Variants in KLKB1 observed in about 807,000 individuals in gnomAD.
The protein encoded by KLKB1 is kallikrein B1.
Under a neutral mutation model 73.6 loss-of-function variants are expected in KLKB1, and 58 were observed. That is an observed-to-expected ratio of 0.79 (90% CI 0.64 to 0.98). The LOEUF is 0.98. KLKB1 is among the 50% of genes least tolerant of loss of function. The pLI, the probability that KLKB1 is intolerant of heterozygous loss-of-function variation, is 0.00. For synonymous variants in KLKB1, 280 were observed against 258.1 expected (o/e 1.08, Z -0.81); for missense variants, 737 against 763.8 (o/e 0.96, Z 0.41).
chr4:186,242,009 A>G (rs4253262), intron 6 of KLKB1, among the ~76,000 whole-genome samples: 20,392 of 151,826 alleles, frequency 0.13, 1,605 homozygotes, highest in Middle Eastern at 0.21. Context: ...GTGAGCAAGA[A>G]AGCTTTTTAA....
intron 2 of KLKB1, among the ~76,000 whole-genome samples, chr4:186,216,133 G>A (rs1336859690): frequency 6.6e-6 from 1 of 152,194 alleles, no homozygotes; most frequent in Non-Finnish European, 1.5e-5. Context: ...TTACATGTGC[G>A]ATTGTGACTT....
intron 2 of KLKB1, chr4:186,212,708 G>A (rs1206783016): frequency 6.6e-6 from 1 of 152,132 alleles, no homozygotes; most frequent in Non-Finnish European, 1.5e-5. Context: ...CAATCAAGAG[G>A]GTAGGACATG....
rs1263070349 is a variant in KLKB1 at position 186,258,379 on chromosome 4, G to A, written c.*167G>A. 17 of 701,014 alleles carry A rather than the reference G, an allele frequency of 2.4e-5. No individual in the cohort carries two copies. The highest frequency in any genetic ancestry group is 8.1e-5 in the South Asian group (5 of 62,034). 43.4% of individuals were successfully genotyped at this position (701,014 alleles called of 1,614,324 possible). A position where few individuals can be genotyped will look rare whatever the true frequency, so the allele number is the denominator to read the frequency against. ...TGAGGACAATGTCTGGCTGAAGCCC[G>A]CTTTCAGCACGCCGTAACCAGGGGC... On this transcript the variant is annotated 3_prime_UTR_variant, in exon 15 of 15. Transcript: ENST00000264690.
intron 6 of KLKB1, among the ~76,000 whole-genome samples, chr4:186,243,249 A>C (rs570581573): frequency 6.6e-6 from 1 of 152,302 alleles, no homozygotes; most frequent in Admixed American, 6.5e-5. Context: ...TTACGACGGA[A>C]AGGAAAAGTG....
intron 2 of KLKB1, among the ~76,000 whole-genome samples, chr4:186,214,455 C>G (rs1736831002): frequency 6.6e-6 from 1 of 152,204 alleles, no homozygotes; most frequent in Non-Finnish European, 1.5e-5. Flanking sequence ...GGTCTTCACC[C>G]TATTTTCTTT....
intron 11 of KLKB1, among the ~76,000 whole-genome samples, chr4:186,252,938 CATGTT>C: frequency 6.6e-6 from 1 of 152,200 alleles, no homozygotes. Flanking sequence ...AAATAGTAGA[CATGTT>C]AGGTAAGTCT....
At chr4:186,220,125 C>G (rs149579747) in intron 2 of KLKB1, among the ~76,000 whole-genome samples, 1 of 151,926 alleles carries the variant, frequency 6.6e-6, no homozygotes, top group Non-Finnish European at 1.5e-5. Context: ...GTATTGGGAA[C>G]AGGAAGCAAA....
At chr4:186,219,672 C>A (rs1445588280) in intron 2 of KLKB1, among the ~76,000 whole-genome samples, 3 of 152,312 alleles carry the variant, frequency 2.0e-5, no homozygotes, top group Non-Finnish European at 2.9e-5. Context: ...CCTTCTTCTA[C>A]TACCCATTCT....
intron 6 of KLKB1, among the ~76,000 whole-genome samples, chr4:186,248,005 T>G (rs1738446444): frequency 6.6e-6 from 1 of 152,170 alleles, no homozygotes; most frequent in South Asian, 2.1e-4. Context: ...CCCAGCACTT[T>G]GGGAGGCCGA....
intron 13 of KLKB1, 78 bp from the exon 14 acceptor site, chr4:186,257,148 A>G: frequency 4.0e-6 from 3 of 752,036 alleles, no homozygotes; most frequent in Non-Finnish European, 6.1e-6. Flanking sequence ...GGGAATAATA[A>G]TATTCCCAAT....
chr4:186,256,007 T>C lies in KLKB1; in HGVS notation c.1505T>C (p.Ile502Thr), dbSNP rs923144816. 1 of 1,610,440 alleles carries C rather than the reference T, an allele frequency of 6.2e-7. No homozygotes were observed. Among genetic ancestry groups the C allele is most frequent in the East Asian group, 2.2e-5 (1 of 44,846 alleles). Reference protein sequence around the residue: ...PLNYTEFQKPICLPSKGDTST... With the variant: ...PLNYTEFQKPTCLPSKGDTST... ...TATGTTTCAGAATTCCAAAAACCAA[T>C]ATGCCTACCTTCCAAAGGTGACACA... is the stretch of plus-strand genomic sequence containing the variant. Residue 502 changes from isoleucine (I) to threonine (T), a missense_variant, in exon 13 of 15, where the codon ATA becomes ACA. Coordinates refer to ENST00000264690, the MANE Select transcript of KLKB1 (RefSeq NM_000892.5).
At position 186,257,344 on chromosome 4, in the gene KLKB1, AG is replaced by A; in HGVS notation, c.1709del (p.Gly570GlufsTer13). On this transcript the variant is annotated frameshift_variant, in exon 14 of 15. Transcript: ENST00000264690. LOFTEE classifies it low-confidence loss of function (END_TRUNC). ...QRMVCAGYKE[G>X]GKDACKGDSG... ...GGATGGTCTGTGCTGGCTATAAAGA[AG>A]GGGGAAAAGATGCTTGTAAGGTAAC... 6.3e-7 allele frequency: 1 copy of A among 1,593,530 alleles called. No homozygotes were observed. The highest frequency in any genetic ancestry group is 8.6e-7 in the Non-Finnish European group (1 of 1,169,034).
chr4:186,249,184 T>C (rs1266474651), intron 6 of KLKB1, among the ~76,000 whole-genome samples: 1 of 152,216 alleles, frequency 6.6e-6, no homozygotes, highest in Non-Finnish European at 1.5e-5. Context: ...TGAAATCCAG[T>C]CTGGCTTTAT....
intron 3 of KLKB1, among the ~76,000 whole-genome samples, chr4:186,233,736 T>C (rs1043666842): frequency 1.3e-5 from 2 of 152,262 alleles, no homozygotes; most frequent in Non-Finnish European, 2.9e-5. Context: ...TTTCCTGTAC[T>C]TAAAAAATGT....
intron 6 of KLKB1, among the ~76,000 whole-genome samples, chr4:186,242,973 G>A (rs529635906): frequency 6.8e-5 from 10 of 147,604 alleles, no homozygotes; most frequent in South Asian, 2.1e-4. Context: ...GAGGAATTAT[G>A]TCTGACAGAA....
upstream of KLKB1, among the ~76,000 whole-genome samples, chr4:186,224,209 G>T (rs1737098446): frequency 6.6e-6 from 1 of 152,248 alleles, no homozygotes; most frequent in African/African-American, 2.4e-5. Context: ...CAGCCCTCAT[G>T]GAGAACCTCT....
chr4:186,246,889 A>G (rs1351457906), intron 6 of KLKB1, among the ~76,000 whole-genome samples: 3 of 152,204 alleles, frequency 2.0e-5, no homozygotes, highest in Non-Finnish European at 4.4e-5. Context: ...TCCCAAGTCC[A>G]TGACCAGTGC....
intron 2 of KLKB1, among the ~76,000 whole-genome samples, chr4:186,220,631 G>T (rs191933427): frequency 1.9e-4 from 29 of 152,248 alleles, no homozygotes; most frequent in Admixed American, 1.7e-3. Context: ...TTATTGAGTT[G>T]CATATGTTGA....
chr4:186,221,225 A>C (rs1418949565), intron 2 of KLKB1, among the ~76,000 whole-genome samples: 2 of 150,602 alleles, frequency 1.3e-5, no homozygotes, highest in African/African-American at 4.9e-5. Context: ...TTCTTGATTT[A>C]TCTTTTTAAA....
Sources: allele counts gnomAD v4.1 joint callset (sites outside exome capture counted in the v4.1 genomes callset), GRCh38; gene constraint gnomAD v4.1.1; transcripts MANE v1.5; gene names NCBI Gene and HGNC (gene_info 2026-07-23, HGNC 2026-07-21).